The following NCKAP5 variants were observed in gnomAD, a reference collection of about 807,000 sequenced individuals.
NCKAP5 encodes the protein nck-associated protein 5.
Under a neutral mutation model 167.0 loss-of-function variants are expected in NCKAP5, and 92 were observed. The ratio of observed to expected loss-of-function variants is 0.55; its 90% CI spans 0.47 to 0.66. The LOEUF is 0.66. Among genes scored for constraint, NCKAP5 ranks in the 30% least tolerant of loss-of-function variants. The pLI, the probability that NCKAP5 is intolerant of heterozygous loss-of-function variation, is 0.00. For synonymous variants in NCKAP5, 891 were observed against 877.4 expected (o/e 1.02, Z -0.27); for missense variants, 2,378 against 2,315.0 (o/e 1.03, Z -0.56).
At chr2:133,617,121 C>T in the NCKAP5 span, among the ~76,000 whole-genome samples, 1 of 152,178 alleles carries the variant, frequency 6.6e-6, no homozygotes, top group Non-Finnish European at 1.5e-5. Context: ...GCTAAAAACT[C>T]TCAATAAATT....
At chr2:133,647,748 G>GGAAGGAAGGAAGGAAGGAAA in the NCKAP5 span, among the ~76,000 whole-genome samples, 1 of 143,564 alleles carries the variant, frequency 7.0e-6, no homozygotes, top group Admixed American at 7.1e-5. Context: ...AAGGAAGGAA[G>GGAAGGAAGGAAGGAAGGAAA]GAAAGAAAAG....
chr2:133,046,823 A>G (rs1424170158), intron 6 of NCKAP5, among the ~76,000 whole-genome samples: 1 of 152,238 alleles, frequency 6.6e-6, no homozygotes, highest in Non-Finnish European at 1.5e-5. Context: ...AAAGGAAAAG[A>G]TTAGCATAAG....
chr2:132,886,848 A>G (rs556579348), intron 8 of NCKAP5, among the ~76,000 whole-genome samples: 29 of 152,354 alleles, frequency 1.9e-4, no homozygotes, highest in African/African-American at 7.0e-4. Context: ...AAACTTTTTG[A>G]GAGCCAACAT....
chr2:133,565,139 C>A (rs1190079661), intron 1 of NCKAP5, among the ~76,000 whole-genome samples: 3 of 152,144 alleles, frequency 2.0e-5, no homozygotes, highest in Non-Finnish European at 4.4e-5. Flanking sequence ...TACAAAGGTG[C>A]AGATGTGCTG....
At chr2:133,206,450 T>C (rs2085956878) in intron 5 of NCKAP5, among the ~76,000 whole-genome samples, 1 of 152,172 alleles carries the variant, frequency 6.6e-6, no homozygotes, top group Admixed American at 6.5e-5. Context: ...TCATGGACAT[T>C]TATCACTTCC....
chr2:133,407,175 G>A (rs958846256), intron 3 of NCKAP5, among the ~76,000 whole-genome samples: 7 of 152,178 alleles, frequency 4.6e-5, no homozygotes, highest in African/African-American at 1.7e-4. Flanking sequence ...CAGGAATTTC[G>A]TCTTAACTTG....
intron 8 of NCKAP5, among the ~76,000 whole-genome samples, chr2:132,907,989 C>T (rs754308342): frequency 2.6e-4 from 40 of 152,214 alleles, no homozygotes; most frequent in Admixed American, 6.5e-4. Context: ...AAGCCTCATA[C>T]CCAACAGAGA....
chr2:133,146,740 G>T (rs1446836014), intron 5 of NCKAP5, among the ~76,000 whole-genome samples: 2 of 152,000 alleles, frequency 1.3e-5, no homozygotes, highest in Non-Finnish European at 2.9e-5. Flanking sequence ...TCCATCAGTA[G>T]GCATTTAGTG....
intron 2 of NCKAP5, among the ~76,000 whole-genome samples, chr2:133,530,479 T>A (rs1685275660): frequency 6.6e-6 from 1 of 152,206 alleles, no homozygotes; most frequent in East Asian, 1.9e-4. Context: ...TTTATTAAAT[T>A]GGATTGAATT....
intron 4 of NCKAP5, among the ~76,000 whole-genome samples, chr2:133,284,508 G>A (rs961844664): frequency 7.2e-5 from 11 of 152,164 alleles, no homozygotes; most frequent in African/African-American, 2.7e-4. Flanking sequence ...AAGACAGATG[G>A]CACGTGGCCA....
At chr2:132,899,042 C>T (rs1284010253) in intron 8 of NCKAP5, among the ~76,000 whole-genome samples, 1 of 152,194 alleles carries the variant, frequency 6.6e-6, no homozygotes, top group Admixed American at 6.5e-5. Context: ...TAGATGGCCT[C>T]TTCTTCCAAT....
At chr2:133,133,512 C>A (rs2082682519) in intron 5 of NCKAP5, among the ~76,000 whole-genome samples, 1 of 152,190 alleles carries the variant, frequency 6.6e-6, no homozygotes, top group African/African-American at 2.4e-5. Context: ...TAAGCAGTGA[C>A]ATTACATACA....
At chr2:133,509,023 T>C (rs192659134) in intron 3 of NCKAP5, among the ~76,000 whole-genome samples, 10 of 152,338 alleles carry the variant, frequency 6.6e-5, no homozygotes, top group African/African-American at 2.2e-4. Flanking sequence ...ACAACACTTA[T>C]CACAGCAGCT....
the NCKAP5 span, among the ~76,000 whole-genome samples, chr2:133,611,813 A>G: frequency 6.6e-6 from 1 of 152,156 alleles, no homozygotes; most frequent in African/African-American, 2.4e-5. Context: ...TCAAGTGACG[A>G]ATCTTCTCTT....
intron 6 of NCKAP5, among the ~76,000 whole-genome samples, chr2:133,115,862 T>G: frequency 7.4e-6 from 1 of 135,300 alleles, no homozygotes; most frequent in Admixed American, 7.8e-5. Flanking sequence ...CAACCTGGTA[T>G]GGAGATTGGT....
At chr2:132,840,757 TTGTG>T (rs1688241168) in intron 11 of NCKAP5, among the ~76,000 whole-genome samples, 1 of 152,206 alleles carries the variant, frequency 6.6e-6, no homozygotes, top group Non-Finnish European at 1.5e-5. Context: ...TGGTCTGTGT[TTGTG>T]TGCGTATGTT....
At chr2:133,666,186 C>CTTTTTTTTTTTTTTT in the NCKAP5 span, among the ~76,000 whole-genome samples, 34 of 114,124 alleles carry the variant, frequency 3.0e-4, no homozygotes, top group African/African-American at 4.1e-4. Context: ...GATCTACATC[C>CTTTTTTTTTTTTTTT]TTTTTTTTTT....
chr2:132,848,869 C>G (rs1688871490), intron 11 of NCKAP5, among the ~76,000 whole-genome samples: 1 of 151,954 alleles, frequency 6.6e-6, no homozygotes, highest in African/African-American at 2.4e-5. Context: ...AAAAAGTGAA[C>G]AGAAAAAGCT....
At chr2:132,779,029 G>A (rs558263457) in intron 15 of NCKAP5, among the ~76,000 whole-genome samples, 1 of 152,280 alleles carries the variant, frequency 6.6e-6, no homozygotes, top group South Asian at 2.1e-4. Flanking sequence ...TCTCTGTATG[G>A]AAAAGCTTCT....
Sources: allele counts gnomAD v4.1 joint callset (sites outside exome capture counted in the v4.1 genomes callset), GRCh38; gene constraint gnomAD v4.1.1; transcripts MANE v1.5; gene names NCBI Gene and HGNC (gene_info 2026-07-23, HGNC 2026-07-21).